LIMK1: variants seen among roughly 807,000 people sequenced by gnomAD.
LIMK1 encodes the protein LIM motif-containing protein kinase.
In LIMK1, 21 loss-of-function variants were observed where a neutral mutation model predicts 77.6. The ratio of observed to expected loss-of-function variants is 0.27; its 90% CI spans 0.19 to 0.39. LIMK1 has a LOEUF of 0.39. Ranked by LOEUF, LIMK1 falls within the 10% of genes least tolerant of loss-of-function variation. LIMK1 has a pLI of 1.00. For missense variants in LIMK1, 696 were observed against 901.6 expected, an observed-to-expected ratio of 0.77 and a Z score of 2.92; for synonymous variants, 358 against 370.0, an observed-to-expected ratio of 0.97 and a Z score of 0.37.
chr7:74,107,792 C>A, intron 8 of LIMK1, 79 bp from the exon 9 acceptor site: 1 of 1,104,934 alleles, frequency 9.1e-7, no homozygotes, highest in Non-Finnish European at 1.3e-6. Context: ...CCTGGCAGTC[C>A]TGGGGTGGAG....
At chr7:74,114,365 AAAAT>A (rs1554699037) in intron 12 of LIMK1, among the ~76,000 whole-genome samples, 1 of 151,624 alleles carries the variant, frequency 6.6e-6, no homozygotes, top group East Asian at 1.9e-4. Flanking sequence ...ACATGGCAAA[AAAAT>A]AAAAAAATTT....
intron 9 of LIMK1, 33 bp from the exon 10 acceptor site, chr7:74,108,872 G>C: frequency 1.2e-6 from 2 of 1,606,920 alleles, no homozygotes; most frequent in Non-Finnish European, 1.7e-6. Flanking sequence ...GGACCACACA[G>C]AGCCCGGGCC....
intron 11 of LIMK1, 102 bp from the exon 12 acceptor site, chr7:74,111,831 C>A: frequency 7.0e-7 from 1 of 1,435,582 alleles, no homozygotes; most frequent in South Asian, 1.2e-5. Flanking sequence ...ATCGTCCCGA[C>A]TGGCCTGATT....
At chr7:74,088,937 C>G (rs1195095041) in intron 2 of LIMK1, among the ~76,000 whole-genome samples, 1 of 152,014 alleles carries the variant, frequency 6.6e-6, no homozygotes, top group African/African-American at 2.4e-5. Flanking sequence ...CCCAGTAACT[C>G]AAGGGTCTGA....
rs71094754 is a variant in LIMK1 at position 74,102,484 on chromosome 7, CT to C, written c.608+3264del. On this transcript the variant is annotated intron_variant, in intron 5 of 15. Coordinates refer to ENST00000336180, the MANE Select transcript of LIMK1 (RefSeq NM_002314.4). ...GATATTCTCAAAAGAAGGACCTTCT[CT>C]TTTTTTTTTTTTTTTTTGGAGACAG... Among the ~76,000 whole-genome samples, 54 of 54,064 alleles carry C rather than the reference CT, an allele frequency of 1.0e-3. 5 individuals are homozygous for C. The highest frequency in any genetic ancestry group is 0.019 in the Middle Eastern group (1 of 52). 35.5% of individuals were successfully genotyped at this position (54,064 alleles called of 152,430 possible).
chr7:74,115,173 A>G (rs1047700258), intron 12 of LIMK1, among the ~76,000 whole-genome samples: 2 of 152,222 alleles, frequency 1.3e-5, no homozygotes, highest in Non-Finnish European at 2.9e-5. Context: ...CTGTAATCCC[A>G]GCACTTTGGT....
At chr7:74,095,538 C>T (rs1369676412) in intron 2 of LIMK1, among the ~76,000 whole-genome samples, 1 of 152,156 alleles carries the variant, frequency 6.6e-6, no homozygotes, top group Non-Finnish European at 1.5e-5. Context: ...TCCCTAGTAG[C>T]TGGGAGTACA....
intron 4 of LIMK1, 109 bp from the exon 5 acceptor site, chr7:74,098,923 A>AT: frequency 1.1e-6 from 1 of 890,934 alleles, no homozygotes; most frequent in East Asian, 2.4e-5. Context: ...AAAAAAAAAA[A>AT]AAAAAAAGGA....
At position 74,109,076 on chromosome 7, in the gene LIMK1, C is replaced by G. The variant is rs539100055; in HGVS notation, c.1284+40C>G. On this transcript the variant is annotated intron_variant, in intron 10 of 15. Coordinates refer to ENST00000336180, the MANE Select transcript of LIMK1 (RefSeq NM_002314.4). ...GAGCCAGCCACCCCCGCTGTGCGGC[C>G]CCGGGCAAAGCAGCTCCCTCTGTGA... 34 of 1,524,334 alleles carry G rather than the reference C, an allele frequency of 2.2e-5. No homozygotes were observed. The South Asian group carries it at 3.9e-4, about 18-fold the overall frequency. 94.4% of individuals were successfully genotyped at this position (1,524,334 alleles called of 1,614,324 possible).
At chr7:74,110,481 T>G (rs1191631120) in intron 10 of LIMK1, 2 of 152,266 alleles carry the variant, frequency 1.3e-5, no homozygotes, top group African/African-American at 4.8e-5. Context: ...CTTACCTGTC[T>G]GTGAAAGTAG....
At chr7:74,110,038 G>A (rs551586689) in intron 10 of LIMK1, 1 of 152,064 alleles carries the variant, frequency 6.6e-6, no homozygotes, top group Non-Finnish European at 1.5e-5. Context: ...GGGTTCCGTT[G>A]TCAGGTGCAA....
chr7:74,119,415 G>A (rs1554700189), intron 13 of LIMK1, among the ~76,000 whole-genome samples: 2 of 136,226 alleles, frequency 1.5e-5, no homozygotes, highest in Non-Finnish European at 3.2e-5. Flanking sequence ...CTGACCTCAG[G>A]TGATCCACCC....
intron 13 of LIMK1, among the ~76,000 whole-genome samples, chr7:74,119,336 G>C (rs1159400416): frequency 2.7e-5 from 4 of 150,912 alleles, no homozygotes; most frequent in African/African-American, 9.7e-5. Flanking sequence ...CTGCCACCAT[G>C]CCTGGCTAAT....
At chr7:74,119,105 G>A (rs1799880419) in intron 13 of LIMK1, among the ~76,000 whole-genome samples, 1 of 151,100 alleles carries the variant, frequency 6.6e-6, no homozygotes, top group Non-Finnish European at 1.5e-5. Context: ...CCATGATCTC[G>A]ATCTCCTGAC....
intron 1 of LIMK1, among the ~76,000 whole-genome samples, chr7:74,085,165 C>T (rs1554693873): frequency 6.6e-6 from 1 of 152,212 alleles, no homozygotes; most frequent in African/African-American, 2.4e-5. Context: ...GGTGCCAGGC[C>T]TCCCTGGGAC....
intron 3 of LIMK1, 141 bp from the exon 4 acceptor site, chr7:74,096,939 C>T (rs955571895): frequency 4.8e-6 from 5 of 1,044,732 alleles, no homozygotes; most frequent in Non-Finnish European, 5.5e-6. Flanking sequence ...GGAGCCAGCT[C>T]TGTCCAGGAG....
Position 74,084,012 on chromosome 7 carries a change from T to C in LIMK1, c.22T>C (p.Cys8Arg). ...GTGCATGAGGTTGACGCTACTTTGT[T>C]GCACCTGGAGGGAAGAACGTATGGG... MRLTLLC[C>R]TWREERMGEE... Residue 8 changes from cysteine to arginine, a missense_variant, in exon 1 of 16, where the codon TGC (cysteine) becomes CGC (arginine). This residue lies in a region of LIMK1 where 252 missense variants were observed against 279.4 expected (regional missense o/e 0.90). Transcript: ENST00000336180. 1 of 1,482,358 alleles carries C rather than the reference T, an allele frequency of 6.7e-7. No homozygotes were observed. The highest frequency in any genetic ancestry group is 9.0e-7 in the Non-Finnish European group (1 of 1,109,522). The allele number at this position is 1,482,358 out of a possible 1,614,324, so 91.8% of individuals were successfully genotyped here.
In LIMK1 at chr7:74,114,779, G is replaced by C. The variant is rs186444159; in HGVS notation, c.1411-1023G>C. Among the ~76,000 whole-genome samples, 15 of 151,990 alleles carry C rather than the reference G, an allele frequency of 9.9e-5. No homozygotes were observed. In the East Asian group the frequency reaches 2.9e-3, roughly 30 times the overall value. On this transcript the variant is annotated intron_variant, in intron 12 of 15. Coordinates refer to ENST00000336180, the MANE Select transcript of LIMK1 (RefSeq NM_002314.4). ...AAATACAAAAAATTAGCTGGGCATGGTGGCAGGCGCCTGTAGTCCCAGCTA... is the reference window on the plus strand; with the variant it reads ...AAATACAAAAAATTAGCTGGGCATGCTGGCAGGCGCCTGTAGTCCCAGCTA...
chr7:74,096,454 T>G (rs993871698), intron 2 of LIMK1, among the ~76,000 whole-genome samples, 168 bp from the exon 3 acceptor site: 1 of 152,008 alleles, frequency 6.6e-6, no homozygotes, highest in Non-Finnish European at 1.5e-5. Flanking sequence ...TGAGCCGAGA[T>G]CGAGCCACTG....
Sources: gnomAD v4.1 joint callset for allele counts (sites outside exome capture counted in the v4.1 genomes callset) on GRCh38, gnomAD v4.1.1 for gene constraint, gnomAD v4.1.1 regional missense constraint, MANE v1.5 for transcripts, NCBI Gene and HGNC (gene_info 2026-07-23, HGNC 2026-07-21) for gene names.